Variants in ACSF2 observed in about 807,000 individuals in gnomAD.
ACSF2 encodes acyl-CoA synthetase family member 2.
ACSF2 carries 52 observed loss-of-function variants against 79.3 expected under a neutral mutation model. The ratio of observed to expected loss-of-function variants is 0.66; its 90% CI spans 0.53 to 0.83. ACSF2 has a LOEUF of 0.83. Among genes scored for constraint, ACSF2 ranks in the 40% least tolerant of loss-of-function variants. The pLI is 0.00. For synonymous variants in ACSF2, 283 were observed against 312.6 expected, an observed-to-expected ratio of 0.91 and a Z score of 1.00; for missense variants, 661 against 803.3, an observed-to-expected ratio of 0.82 and a Z score of 2.14.
intron 1 of ACSF2, among the ~76,000 whole-genome samples, chr17:50,426,731 C>A (rs1051303482): frequency 6.6e-6 from 1 of 152,198 alleles, no homozygotes; most frequent in Non-Finnish European, 1.5e-5. Flanking sequence ...GGCTGTACCC[C>A]CAGGACACTG....
At chr17:50,469,124 T>G in intron 10 of ACSF2, 2 of 801,186 alleles carry the variant, frequency 2.5e-6, no homozygotes, top group Non-Finnish European at 3.0e-6. Flanking sequence ...CGCTCTCCTA[T>G]GGTGCTCCTC....
intron 1 of ACSF2, among the ~76,000 whole-genome samples, chr17:50,428,862 C>T (rs1915269135): frequency 6.6e-6 from 1 of 152,272 alleles, no homozygotes; most frequent in Non-Finnish European, 1.5e-5. Context: ...GATTCTGCGT[C>T]ATGCTAGCAC....
Position 50,462,427 on chromosome 17 carries a change from G to A in ACSF2, c.634G>A (p.Asp212Asn), listed in dbSNP as rs762080134. 1.1e-5 allele frequency: 17 copies of A among 1,552,268 alleles called. 1 individual carries two copies. Among genetic ancestry groups the A allele is most frequent in the East Asian group, 4.9e-5 (2 of 40,438 alleles). Reference sequence around the variant, plus strand: ...CATCGTCCCCAACCCCAGGCTCCCAGATCTGACCACAGTCATCTCGGTGGA... The same window carrying A: ...CATCGTCCCCAACCCCAGGCTCCCAAATCTGACCACAGTCATCTCGGTGGA... ...PGALKSQRLP[D>N]LTTVISVDAP... The change falls in exon 6 of 16, where the codon GAT (aspartate) becomes AAT (asparagine). Residue 212 changes from aspartate to asparagine, a missense_variant. Coordinates refer to ENST00000300441, the MANE Select transcript of ACSF2 (RefSeq NM_025149.6).
intron 1 of ACSF2, among the ~76,000 whole-genome samples, chr17:50,455,025 G>A (rs1044371473): frequency 2.6e-5 from 4 of 152,180 alleles, no homozygotes; most frequent in African/African-American, 9.7e-5. Flanking sequence ...CCTGCCGTCC[G>A]GCTGGAGTGT....
At chr17:50,427,721 AAAAC>A (rs768974463) in intron 1 of ACSF2, among the ~76,000 whole-genome samples, 16 of 152,312 alleles carry the variant, frequency 1.1e-4, no homozygotes, top group Non-Finnish European at 1.8e-4. Flanking sequence ...TGCCCAATAG[AAAAC>A]AAACAAACAA....
At chr17:50,433,170 G>A (rs373271297) in intron 1 of ACSF2, among the ~76,000 whole-genome samples, 3 of 150,518 alleles carry the variant, frequency 2.0e-5, no homozygotes, top group Non-Finnish European at 4.4e-5. Flanking sequence ...ACAGTGGCGC[G>A]ATCTGGGCTC....
At chr17:50,468,819 G>A (rs746416766) in intron 10 of ACSF2, 5 of 1,515,172 alleles carry the variant, frequency 3.3e-6, no homozygotes, top group Non-Finnish European at 3.5e-6. Context: ...ACCATGGCTG[G>A]GACGCCTGGG....
chr17:50,434,147 C>T (rs1266763709), intron 1 of ACSF2, among the ~76,000 whole-genome samples: 1 of 151,338 alleles, frequency 6.6e-6, no homozygotes, highest in Non-Finnish European at 1.5e-5. Flanking sequence ...GACCCCATCT[C>T]TACAGATAAT....
At position 50,443,069 on chromosome 17, in the gene ACSF2, C is replaced by T. The variant is rs140642805; in HGVS notation, c.128+16680C>T. Among the ~76,000 whole-genome samples the T allele has an allele frequency of 2.7e-3, 407 of 152,164 alleles. 2 individuals are homozygous for T. The highest frequency in any genetic ancestry group is 9.5e-3 in the African/African-American group (395 of 41,508). ...GGACTATGGGTGCACGCCACCATGC[C>T]CGGCTAATTTTTGTATTTTTAGTAC... On this transcript the variant is annotated intron_variant, in intron 1 of 15. Coordinates refer to ENST00000300441, the MANE Select transcript of ACSF2 (RefSeq NM_025149.6).
intron 1 of ACSF2, among the ~76,000 whole-genome samples, chr17:50,453,997 C>T (rs1026224330): frequency 2.0e-5 from 3 of 151,848 alleles, no homozygotes; most frequent in African/African-American, 7.3e-5. Flanking sequence ...AACCCCATCT[C>T]TACAAAACAT....
intron 1 of ACSF2, among the ~76,000 whole-genome samples, chr17:50,439,741 T>A (rs2030743466): frequency 6.6e-6 from 1 of 152,164 alleles, no homozygotes; most frequent in Non-Finnish European, 1.5e-5. Context: ...CTTTGGAAGC[T>A]GAGGTGGAAG....
rs1233210752 is a variant in ACSF2, at chr17:50,463,156, G to A, written c.793G>A (p.Gly265Arg). The A allele has an allele frequency of 1.9e-6, 3 of 1,613,630 alleles. No individual in the cohort carries two copies. Among genetic ancestry groups the A allele is most frequent in the African/African-American group, 1.3e-5 (1 of 74,932 alleles). The change falls in exon 7 of 16, where the codon GGG (glycine) becomes AGG (arginine). Residue 265 changes from glycine (G) to arginine (R), a missense_variant and splice_region_variant. Physicochemically the swap from Gly to Arg is moderately radical, Grantham distance 125 (BLOSUM62 -2). Transcript: ENST00000300441. This position sits in a 1 kb window ranked among gnomAD's most constrained non-coding sequence, Gnocchi z 4.6. ...HDPINIQFTS[G>R]TTGSPKGATL... is the part of the protein sequence containing the mutation. ...AGCCATGCCCTGTTTGCCTTGTCAG[G>A]GGACAACAGGCAGCCCCAAGGGGGC... is the stretch of plus-strand genomic sequence containing the variant.
intron 10 of ACSF2, chr17:50,468,060 C>A (rs2032853060): frequency 6.3e-7 from 1 of 1,598,260 alleles, no homozygotes; most frequent in Non-Finnish European, 8.6e-7. Context: ...TTGGTGTTGT[C>A]CAGCCAGAGG....
chr17:50,463,938 TG>T lies in ACSF2; in HGVS notation c.1138+33del. ...GGGTGGGGCCAAGGGCAGCCAGGCT[TG>T]GGGAGGGGGCTGCTTCCCCCACAGG... On this transcript the variant is annotated intron_variant, in intron 9 of 15. Transcript: ENST00000300441. The surrounding 1 kb of genome is among the most constrained non-coding windows in gnomAD (Gnocchi z 4.6). 6.5e-7 allele frequency: 1 copy of T among 1,547,532 alleles called. No homozygotes were observed. The highest frequency in any genetic ancestry group is 8.8e-7 in the Non-Finnish European group (1 of 1,138,330).
chr17:50,426,713 A>C (rs1177845640), intron 1 of ACSF2, among the ~76,000 whole-genome samples: 4 of 152,214 alleles, frequency 2.6e-5, no homozygotes. Context: ...GGCAAGGGCC[A>C]AGGCCTGGGC....
intron 10 of ACSF2, among the ~76,000 whole-genome samples, chr17:50,467,255 G>A (rs2032793286): frequency 6.6e-6 from 1 of 152,204 alleles, no homozygotes. Context: ...GAGGGCAAAG[G>A]GCAGTTAGCA....
chr17:50,473,538 G>A (rs560305947), intron 12 of ACSF2, 127 bp from the exon 13 acceptor site: 3 of 1,330,164 alleles, frequency 2.3e-6, no homozygotes, highest in South Asian at 2.7e-5. Flanking sequence ...TCTTGTTCCT[G>A]CTATGTCTCC....
Position 50,462,444 on chromosome 17 carries a change from C to T in ACSF2, c.651C>T (p.Ile217=). Residue 217 remains isoleucine (I), a synonymous_variant, in exon 6 of 16, where the codon ATC becomes ATT. Transcript: ENST00000300441. ...SQRLPDLTTV[I]SVDAPLPGTL... ...GGCTCCCAGATCTGACCACAGTCAT[C>T]TCGGTGGATGCCCCTTTGCCGGGGA... The T allele has an allele frequency of 6.3e-7, 1 of 1,580,438 alleles. No homozygotes were observed. The highest frequency in any genetic ancestry group is 8.6e-7 in the Non-Finnish European group (1 of 1,159,248).
intron 1 of ACSF2, among the ~76,000 whole-genome samples, chr17:50,456,719 G>A (rs8073038): frequency 0.24 from 36,369 of 150,342 alleles, 4,617 homozygotes; most frequent in Middle Eastern, 0.38. Flanking sequence ...CAACGAGAGC[G>A]AAACTCTGTC....
Sources: allele counts gnomAD v4.1 joint callset (sites outside exome capture counted in the v4.1 genomes callset), GRCh38; gene constraint gnomAD v4.1.1; non-coding constraint Gnocchi (gnomAD v3.1); transcripts MANE v1.5; gene names NCBI Gene and HGNC (gene_info 2026-07-23, HGNC 2026-07-21).